Variants in ROBO1 observed in about 807,000 individuals in gnomAD.
ROBO1 encodes roundabout homolog 1.
ROBO1 carries 149 observed loss-of-function variants against 195.9 expected under a neutral mutation model. The observed-to-expected ratio is 0.76, with a 90% CI of 0.67 to 0.87. The LOEUF (loss-of-function observed/expected upper bound fraction) is 0.87, where lower values mean the gene tolerates loss of function less well. Ranked by LOEUF, ROBO1 falls within the 40% of genes least tolerant of loss-of-function variation. The pLI is 0.00. For synonymous variants in ROBO1, 816 were observed against 733.2 expected (o/e 1.11, Z -1.82); for missense variants, 1,933 against 2,068.3 (o/e 0.93, Z 1.27).
At chr3:79,622,174 G>A (rs1945028432) in intron 1 of ROBO1, among the ~76,000 whole-genome samples, 1 of 152,104 alleles carries the variant, frequency 6.6e-6, no homozygotes, top group African/African-American at 2.4e-5. Flanking sequence ...CAGGGAAACT[G>A]CTTTTTCCAT....
chr3:79,010,038 G>C (rs1176165652), intron 3 of ROBO1, among the ~76,000 whole-genome samples: 1 of 151,990 alleles, frequency 6.6e-6, no homozygotes, highest in Non-Finnish European at 1.5e-5. Context: ...GTAAAACCAG[G>C]GTACACTCTT....
chr3:79,628,990 A>T (rs1034480398), intron 1 of ROBO1, among the ~76,000 whole-genome samples: 3 of 152,198 alleles, frequency 2.0e-5, no homozygotes, highest in African/African-American at 7.2e-5. Flanking sequence ...GAGCACACAG[A>T]TTCATAAGGC....
rs536797843 is a variant in ROBO1, at chr3:79,223,252, T to A, written c.89-97713A>T. Among the ~76,000 whole-genome samples the A allele has an allele frequency of 3.3e-5, 5 of 152,272 alleles. No individual in the cohort carries two copies. In the East Asian group the frequency reaches 9.7e-4, roughly 29 times the overall value. ...ACTAGAGGATCAGAGAATGTTTACC[T>A]GAACCACAGAAAAAATTATTTCTGA... On this transcript the variant is annotated intron_variant, in intron 2 of 30. Coordinates refer to ENST00000464233, the MANE Select transcript of ROBO1 (RefSeq NM_002941.4).
intron 1 of ROBO1, among the ~76,000 whole-genome samples, chr3:79,726,563 A>T (rs1051882170): frequency 6.6e-6 from 1 of 152,124 alleles, no homozygotes; most frequent in African/African-American, 2.4e-5. Flanking sequence ...GAAATATTAA[A>T]ATTGATTTTA....
intron 8 of ROBO1, among the ~76,000 whole-genome samples, chr3:78,693,530 T>C (rs2107874365): frequency 6.6e-6 from 1 of 152,308 alleles, no homozygotes; most frequent in South Asian, 2.1e-4. Context: ...GTTAGCATTT[T>C]AGGTATAATC....
chr3:78,947,686 A>G (rs1273285027), intron 3 of ROBO1, among the ~76,000 whole-genome samples: 1 of 152,228 alleles, frequency 6.6e-6, no homozygotes, highest in African/African-American at 2.4e-5. Flanking sequence ...AGCAGAACTG[A>G]CGGAAATAGA....
At chr3:78,886,736 T>C (rs769928681) in intron 4 of ROBO1, among the ~76,000 whole-genome samples, 1 of 152,160 alleles carries the variant, frequency 6.6e-6, no homozygotes, top group Non-Finnish European at 1.5e-5. Context: ...ATGTGGAATA[T>C]ATGAAGCCCC....
chr3:79,123,543 A>G (rs1418443741), intron 3 of ROBO1, among the ~76,000 whole-genome samples: 1 of 152,020 alleles, frequency 6.6e-6, no homozygotes, highest in Non-Finnish European at 1.5e-5. Flanking sequence ...CAAAAGAGAC[A>G]AATAACATTT....
At chr3:79,309,692 T>G (rs1357092366) in intron 2 of ROBO1, among the ~76,000 whole-genome samples, 1 of 152,144 alleles carries the variant, frequency 6.6e-6, no homozygotes, top group Non-Finnish European at 1.5e-5. Context: ...GAAGTCTGTA[T>G]TAGACAAAGA....
chr3:78,734,363 C>G (rs1409024000), intron 5 of ROBO1, among the ~76,000 whole-genome samples: 1 of 147,600 alleles, frequency 6.8e-6, no homozygotes, highest in Non-Finnish European at 1.5e-5. Flanking sequence ...CTACAGAAGA[C>G]CAACCTTGGC....
At chr3:79,094,548 A>G (rs1432895699) in intron 3 of ROBO1, among the ~76,000 whole-genome samples, 1 of 152,196 alleles carries the variant, frequency 6.6e-6, no homozygotes, top group African/African-American at 2.4e-5. Flanking sequence ...CTTCCAATGA[A>G]GATTAAAAAA....
chr3:79,574,750 TAATTA>T (rs1035388506), intron 2 of ROBO1, among the ~76,000 whole-genome samples: 2 of 151,868 alleles, frequency 1.3e-5, no homozygotes, highest in African/African-American at 4.8e-5. Flanking sequence ...ATAATAAATT[TAATTA>T]AATGTATCCC....
chr3:78,622,263 T>G (rs1310178490), intron 26 of ROBO1, among the ~76,000 whole-genome samples: 1 of 152,192 alleles, frequency 6.6e-6, no homozygotes, highest in African/African-American at 2.4e-5. Context: ...AGGTCTTTAA[T>G]GTTTATATAA....
intron 2 of ROBO1, among the ~76,000 whole-genome samples, chr3:79,383,685 A>T (rs2036644809): frequency 6.6e-6 from 1 of 152,050 alleles, no homozygotes; most frequent in African/African-American, 2.4e-5. Context: ...AGTAGGCATG[A>T]CAGTTTCCAT....
rs190901313 is a variant in ROBO1, at chr3:79,501,484, C to G, written c.88+88340G>C. ...TACTAAAGCTAGTAATGGTGATGAC[C>G]CTTAGAAAATGAGTGTCTCTATGCC... On this transcript the variant is annotated intron_variant, in intron 2 of 30. Coordinates refer to ENST00000464233, the MANE Select transcript of ROBO1 (RefSeq NM_002941.4). 1.2e-3 allele frequency among the ~76,000 whole-genome samples: 184 copies of G among 152,118 alleles called. 3 individuals carry two copies. Among genetic ancestry groups the G allele is most frequent in the Admixed American group, 0.012 (182 of 15,276 alleles).
intron 1 of ROBO1, among the ~76,000 whole-genome samples, chr3:79,634,180 A>G (rs1945429394): frequency 6.6e-6 from 1 of 152,190 alleles, no homozygotes. Flanking sequence ...CCTCTTTGCC[A>G]AGAAACACTG....
intron 1 of ROBO1, among the ~76,000 whole-genome samples, chr3:79,614,862 A>G (rs957382651): frequency 1.3e-5 from 2 of 152,096 alleles, no homozygotes; most frequent in East Asian, 1.9e-4. Context: ...AATTCACTCT[A>G]TGATTTCAGT....
chr3:79,050,021 C>T (rs897654075), intron 3 of ROBO1, among the ~76,000 whole-genome samples: 9 of 152,250 alleles, frequency 5.9e-5, no homozygotes, highest in African/African-American at 2.2e-4. Flanking sequence ...CTCATAATGA[C>T]AGGATTAAAT....
intron 2 of ROBO1, among the ~76,000 whole-genome samples, chr3:79,518,014 G>C (rs931183012): frequency 2.6e-5 from 4 of 152,194 alleles, no homozygotes. Context: ...GGTGGTAAGA[G>C]AGCGGAAGGA....
Sources: allele counts gnomAD v4.1 joint callset (sites outside exome capture counted in the v4.1 genomes callset), GRCh38; gene constraint gnomAD v4.1.1; transcripts MANE v1.5; gene names NCBI Gene and HGNC (gene_info 2026-07-23, HGNC 2026-07-21).